Variants in ZHX2 observed in about 807,000 individuals in gnomAD.
ZHX2 encodes the protein zinc fingers and homeoboxes 2, also known as zinc fingers and homeoboxes protein 2.
In ZHX2, 6 loss-of-function variants were observed where a neutral mutation model predicts 21.9. The ratio of observed to expected loss-of-function variants is 0.27; its 90% CI spans 0.15 to 0.54. ZHX2 has a LOEUF of 0.54. Among genes scored for constraint, ZHX2 ranks in the 20% least tolerant of loss-of-function variants. The probability of loss-of-function intolerance (pLI) is 0.95; values close to 1 mark genes in which losing one functional copy is unlikely to be tolerated. For synonymous variants in ZHX2, 434 were observed against 437.1 expected (o/e 0.99, Z 0.09); for missense variants, 908 against 1,090.7 (o/e 0.83, Z 2.36).
chr8:122,964,320 C>T (rs1390206122), intron 3 of ZHX2, among the ~76,000 whole-genome samples: 1 of 152,090 alleles, frequency 6.6e-6, no homozygotes, highest in African/African-American at 2.4e-5. Flanking sequence ...TGTGTCCCTT[C>T]TATGCCAATT....
intron 1 of ZHX2, among the ~76,000 whole-genome samples, chr8:122,801,063 C>A (rs1586577546): frequency 6.6e-6 from 1 of 152,288 alleles, no homozygotes; most frequent in East Asian, 1.9e-4. Context: ...TTTGTAAGTT[C>A]CAAGTTGCAG....
At chr8:122,830,224 G>A (rs1337944526) in intron 1 of ZHX2, among the ~76,000 whole-genome samples, 1 of 152,184 alleles carries the variant, frequency 6.6e-6, no homozygotes, top group Non-Finnish European at 1.5e-5. Context: ...CCTGTAAACA[G>A]GAAGTGTCCT....
chr8:122,970,890 C>T (rs1813703928), intron 3 of ZHX2, among the ~76,000 whole-genome samples: 1 of 152,204 alleles, frequency 6.6e-6, no homozygotes, highest in Admixed American at 6.5e-5. Context: ...TTGAAGCCAC[C>T]ATGCTCTCTT....
chr8:122,859,155 C>T (rs1415423394), intron 1 of ZHX2, among the ~76,000 whole-genome samples: 1 of 152,192 alleles, frequency 6.6e-6, no homozygotes, highest in Admixed American at 6.5e-5. Context: ...CGGGACCAGA[C>T]TTGGCCCTGC....
At chr8:122,926,557 C>G (rs1820860170) in intron 2 of ZHX2, among the ~76,000 whole-genome samples, 1 of 152,192 alleles carries the variant, frequency 6.6e-6, no homozygotes, top group African/African-American at 2.4e-5. Flanking sequence ...GCTGTAGTTG[C>G]AGTTGTTCGC....
chr8:122,893,814 G>A (rs1485087039), intron 2 of ZHX2, among the ~76,000 whole-genome samples: 3 of 152,086 alleles, frequency 2.0e-5, no homozygotes, highest in Non-Finnish European at 4.4e-5. Flanking sequence ...CAGACATTTT[G>A]TAGATTTCCT....
At chr8:122,802,815 C>T (rs1035531339) in intron 1 of ZHX2, among the ~76,000 whole-genome samples, 13 of 152,162 alleles carry the variant, frequency 8.5e-5, no homozygotes, top group East Asian at 1.9e-4. Context: ...TGCCCTTCCA[C>T]GCTTCTCTGG....
intron 2 of ZHX2, among the ~76,000 whole-genome samples, chr8:122,893,523 T>A (rs7463079): frequency 3.3e-5 from 5 of 152,228 alleles, no homozygotes; most frequent in South Asian, 2.1e-4. Flanking sequence ...CTTTATTTTT[T>A]AAAAAAACGA....
intron 2 of ZHX2, among the ~76,000 whole-genome samples, chr8:122,873,964 G>T (rs537511239): frequency 6.6e-6 from 1 of 152,220 alleles, no homozygotes; most frequent in South Asian, 2.1e-4. Context: ...CATCTTTAAA[G>T]GACTCTTATG....
intron 3 of ZHX2, among the ~76,000 whole-genome samples, chr8:122,955,067 GC>G (rs376928223): frequency 1.1e-5 from 1 of 87,558 alleles, no homozygotes. Context: ...AGTCACATAA[GC>G]CGGGGGGGGG....
At chr8:122,801,783 G>A (rs548573734) in intron 1 of ZHX2, among the ~76,000 whole-genome samples, 7 of 152,104 alleles carry the variant, frequency 4.6e-5, no homozygotes, top group East Asian at 1.9e-4. Flanking sequence ...AGGCAGAGAC[G>A]TTTCGTAATA....
chr8:122,879,086 G>C (rs554952935), intron 2 of ZHX2, among the ~76,000 whole-genome samples: 1 of 152,188 alleles, frequency 6.6e-6, no homozygotes, highest in Non-Finnish European at 1.5e-5. Flanking sequence ...GCACTGCCTC[G>C]GAACTCAAGG....
intron 1 of ZHX2, among the ~76,000 whole-genome samples, chr8:122,861,857 C>G (rs17360881): frequency 7.9e-5 from 12 of 152,166 alleles, no homozygotes; most frequent in African/African-American, 2.9e-4. Flanking sequence ...GAGTATTGTT[C>G]TTCTCGCAGG....
chr8:122,905,410 T>A (rs1481136836), intron 2 of ZHX2, among the ~76,000 whole-genome samples: 9 of 152,210 alleles, frequency 5.9e-5, no homozygotes, highest in Non-Finnish European at 1.5e-5. Flanking sequence ...CCCAGAATCC[T>A]ATATCCATCA....
intron 1 of ZHX2, among the ~76,000 whole-genome samples, chr8:122,820,374 G>C (rs1167282336): frequency 1.3e-5 from 2 of 152,190 alleles, no homozygotes; most frequent in Non-Finnish European, 2.9e-5. Context: ...CCCATATATA[G>C]AGCCTGGGGA....
intron 2 of ZHX2, among the ~76,000 whole-genome samples, chr8:122,917,439 C>G (rs1448878428): frequency 6.6e-6 from 1 of 152,134 alleles, no homozygotes; most frequent in East Asian, 1.9e-4. Context: ...ATGAGAATCC[C>G]TCTCCCCAAA....
intron 1 of ZHX2, among the ~76,000 whole-genome samples, chr8:122,790,669 G>A (rs578130436): frequency 1.4e-4 from 22 of 152,180 alleles, no homozygotes; most frequent in African/African-American, 3.1e-4. Context: ...GTGCAATGGC[G>A]TGATCTCAGC....
chr8:122,876,461 A>C (rs892760120), intron 2 of ZHX2, among the ~76,000 whole-genome samples: 1 of 152,160 alleles, frequency 6.6e-6, no homozygotes, highest in Non-Finnish European at 1.5e-5. Flanking sequence ...TGAACTACAA[A>C]GGGCTTAGAG....
intron 1 of ZHX2, among the ~76,000 whole-genome samples, chr8:122,856,708 C>T (rs185558041): frequency 1.1e-3 from 166 of 152,234 alleles, no homozygotes; most frequent in Admixed American, 3.8e-3. Flanking sequence ...TTTCCCTCAA[C>T]GAATCAGATC....
Sources: allele counts gnomAD v4.1 joint callset (sites outside exome capture counted in the v4.1 genomes callset), GRCh38; gene constraint gnomAD v4.1.1; transcripts MANE v1.5; gene names NCBI Gene and HGNC (gene_info 2026-07-23, HGNC 2026-07-21).